The following RNF213 variants were observed in gnomAD, a reference collection of about 807,000 sequenced individuals.
RNF213 encodes ring finger protein 213.
A neutral mutation model predicts 514.4 loss-of-function variants in RNF213; 341 were observed. That is an observed-to-expected ratio of 0.66 (90% confidence interval 0.61 to 0.73). RNF213 has a LOEUF of 0.73. Among genes scored for constraint, RNF213 ranks in the 30% least tolerant of loss-of-function variants. The pLI, the probability that RNF213 is intolerant of heterozygous loss-of-function variation, is 0.00. For synonymous variants in RNF213, 2,655 were observed against 2,658.2 expected (o/e 1.00, Z 0.04); for missense variants, 5,767 against 6,615.6 (o/e 0.87, Z 4.45).
At chr17:80,261,319 A>T (rs2145050437) in intron 1 of RNF213, among the ~76,000 whole-genome samples, 1 of 152,308 alleles carries the variant, frequency 6.6e-6, no homozygotes, top group Non-Finnish European at 1.5e-5. Context: ...GCAACAACGG[A>T]AAAGTGAAGT....
At chr17:80,298,616 C>T (rs1010223362) in intron 11 of RNF213, 98 bp downstream of exon 11, 6 of 1,254,854 alleles carry the variant, frequency 4.8e-6, no homozygotes, top group Non-Finnish European at 6.9e-6. Flanking sequence ...GACTCCATTC[C>T]TGATTCTAAT....
At chr17:80,354,769 C>G (rs1224800134) in intron 36 of RNF213, 193 bp downstream of exon 36, 1 of 649,856 alleles carries the variant, frequency 1.5e-6, no homozygotes, top group Non-Finnish European at 2.7e-6. Context: ...ATGGCAGGTG[C>G]TGGACTCTTC....
At chr17:80,380,793 G>C (rs2144592400) in intron 55 of RNF213, 38 bp from the exon 56 acceptor site, 1 of 1,613,922 alleles carries the variant, frequency 6.2e-7, no homozygotes, top group South Asian at 1.1e-5. Context: ...AAAGCGGCCA[G>C]CCTCAGCCTC....
Position 80,353,157 on chromosome 17 carries a change from C to A in RNF213, c.10423+98C>A. ...CACATGGCACTAGGAGCAGGGCCAC[C>A]GTGTTTCGTCCCTCGGCAGGAGCTC... On this transcript the variant is annotated intron_variant, in intron 33 of 67. Transcript: ENST00000582970. This position sits in a 1 kb window ranked among gnomAD's most constrained non-coding sequence, Gnocchi z 5.0. The A allele has an allele frequency of 6.6e-7, 1 of 1,522,144 alleles. No individual in the cohort carries two copies. The highest frequency in any genetic ancestry group is 9.0e-7 in the Non-Finnish European group (1 of 1,111,188). The allele number at this position is 1,522,144 out of a possible 1,614,324, so 94.3% of individuals were successfully genotyped here.
Position 80,385,150 on chromosome 17 carries a change from T to TTCC in RNF213, c.14437_14439dup (p.Leu4813dup). 6.2e-7 allele frequency: 1 copy of TTCC among 1,614,198 alleles called. No homozygotes were observed. Among genetic ancestry groups the TTCC allele is most frequent in the Non-Finnish European group, 8.5e-7 (1 of 1,180,012 alleles). The stretch of plus-strand genomic sequence containing the variant: ...AGTTGAATACAGCTCCATCAGAGGC[T>TTCC]TCCTCAGCAAGCACAGCTCAGGTGT... On this transcript the variant is annotated inframe_insertion, in exon 60 of 68. Coordinates refer to ENST00000582970, the MANE Select transcript of RNF213 (RefSeq NM_001256071.3).
chr17:80,319,519 T>C, intron 17 of RNF213: 4 of 1,613,358 alleles, frequency 2.5e-6, no homozygotes, highest in Non-Finnish European at 3.4e-6. Flanking sequence ...CAGTCCCTGC[T>C]GCTCGCACCA....
chr17:80,327,891 C>T lies in RNF213; in HGVS notation c.3269C>T (p.Thr1090Met), dbSNP rs572749770. 26 of 1,537,206 alleles carry T rather than the reference C, an allele frequency of 1.7e-5. No homozygotes were observed. Among genetic ancestry groups the T allele is most frequent in the South Asian group, 1.5e-4 (13 of 84,056 alleles). The change falls in exon 19 of 68, where the codon ACG becomes ATG. Residue 1090 changes from threonine (T) to methionine (M), a missense_variant. Physicochemically the swap from Thr to Met is moderately conservative, Grantham distance 81. Coordinates refer to ENST00000582970, the MANE Select transcript of RNF213 (RefSeq NM_001256071.3). ...RLIAVADSVL[T>M]KVVGDLLSGT... Reference sequence around the variant, plus strand: ...ATAGCTGTTGCCGACTCTGTGTTGACGAAAGTTGTTGGTGACCTCCTAAGT... The same window carrying T: ...ATAGCTGTTGCCGACTCTGTGTTGATGAAAGTTGTTGGTGACCTCCTAAGT...
At position 80,396,996 on chromosome 17, in the gene RNF213, T is replaced by TA. The variant is rs546739266; in HGVS notation, c.*3500dup. 3.6e-4 allele frequency: 55 copies of TA among 152,356 alleles called. No individual in the cohort carries two copies. Among genetic ancestry groups the TA allele is most frequent in the African/African-American group, 1.3e-3 (53 of 41,554 alleles). The allele number at this position is 152,356 out of a possible 1,614,324, so 9.4% of individuals were successfully genotyped here. On this transcript the variant is annotated 3_prime_UTR_variant, in exon 68 of 68. Transcript: ENST00000582970. ...CTTCCCCTCACACCTAAACTTACTA[T>TA]AAGGGTCCTACCTTCCCCAGTATTC...
chr17:80,271,343 G>A (rs1051192108), intron 2 of RNF213, among the ~76,000 whole-genome samples: 2 of 152,318 alleles, frequency 1.3e-5, no homozygotes, highest in Non-Finnish European at 2.9e-5. Flanking sequence ...TCTTGGCTAC[G>A]CCAACACTGA....
intron 59 of RNF213, 139 bp from the exon 60 acceptor site, chr17:80,384,900 T>TC (rs2080171428): frequency 1.1e-6 from 1 of 903,702 alleles, no homozygotes; most frequent in South Asian, 1.4e-5. Flanking sequence ...GTTTTCAAGC[T>TC]CCACGCTGCA....
chr17:80,336,255 T>G lies in RNF213; in HGVS notation c.4404T>G (p.Ala1468=). Residue 1468 remains alanine, a synonymous_variant, in exon 23 of 68, where the codon GCT becomes GCG. Transcript: ENST00000582970. The part of the protein sequence containing the change: ...DVDRVACFHD[A]VQGYASLLFK... ...ACCGGGTGGCCTGCTTCCATGACGC[T>G]GTGCAGGGCTACGCATCCCTGCTAT... 6.5e-7 allele frequency: 1 copy of G among 1,537,246 alleles called. No homozygotes were observed. The highest frequency in any genetic ancestry group is 1.2e-5 in the South Asian group (1 of 84,054).
At chr17:80,297,275 C>T (rs2044988907) in intron 10 of RNF213, among the ~76,000 whole-genome samples, 1 of 150,570 alleles carries the variant, frequency 6.6e-6, no homozygotes, top group Admixed American at 6.6e-5. Flanking sequence ...CATGGTGAAA[C>T]ACTGTCTCTA....
chr17:80,361,199 T>G (rs1166404000), intron 38 of RNF213, among the ~76,000 whole-genome samples: 1 of 152,238 alleles, frequency 6.6e-6, no homozygotes, highest in African/African-American at 2.4e-5. Flanking sequence ...GACCTAAATT[T>G]GACACTGTTT....
In RNF213 at chr17:80,319,650, A is replaced by T. The variant is rs186105401; in HGVS notation, c.3024+338A>T. The T allele has an allele frequency of 3.7e-4, 558 of 1,497,142 alleles. 2 individuals carry two copies. The African/African-American group carries it at 7.2e-3, about 19-fold the overall frequency. 92.7% of individuals were successfully genotyped at this position (1,497,142 alleles called of 1,614,324 possible). On this transcript the variant is annotated intron_variant, in intron 17 of 67. Coordinates refer to ENST00000582970, the MANE Select transcript of RNF213 (RefSeq NM_001256071.3). ...TGGCTGCTGGTTTGATTGATTGTTA[A>T]CACTTGCTCAGTAGGTGTGCGGGAA...
intron 49 of RNF213, among the ~76,000 whole-genome samples, chr17:80,373,944 A>C (rs1277990645): frequency 6.9e-6 from 1 of 145,726 alleles, no homozygotes; most frequent in Non-Finnish European, 1.5e-5. Flanking sequence ...CAGAGGTTGC[A>C]GTGAGCCGAG....
At chr17:80,350,625 C>G (rs1280014828) in intron 31 of RNF213, among the ~76,000 whole-genome samples, 1 of 152,172 alleles carries the variant, frequency 6.6e-6, no homozygotes, top group Non-Finnish European at 1.5e-5. Context: ...GGCAACAGAG[C>G]AAGACCTCAT....
At position 80,383,087 on chromosome 17, in the gene RNF213, G is replaced by T; in HGVS notation, c.14070+17G>T. 1 of 1,582,970 alleles carries T rather than the reference G, an allele frequency of 6.3e-7. No homozygotes were observed. The highest frequency in any genetic ancestry group is 1.1e-5 in the South Asian group (1 of 90,498). On this transcript the variant is annotated intron_variant, in intron 58 of 67. Coordinates refer to ENST00000582970, the MANE Select transcript of RNF213 (RefSeq NM_001256071.3). ...GAACTGGAGGTAAGCAGTAAGTGCT[G>T]ACAGCTGGGTTGCTCCTCGGTCCAG...
chr17:80,369,569 A>T lies in RNF213; in HGVS notation c.12223A>T (p.Thr4075Ser). ...CAGTTTCTTCGTAGACCTGGTGTCC[A>T]CCATTTGCTTCAAGGACAACGCTCC... ...CNSFFVDLVS[T>S]ICFKDNAPPE... Residue 4075 changes from threonine (T) to serine (S), a missense_variant, in exon 45 of 68, where the codon ACC becomes TCC. This residue lies in a region of RNF213 where 93 missense variants were observed against 95.6 expected (regional missense o/e 0.97). Transcript: ENST00000582970. The T allele has an allele frequency of 6.2e-7, 1 of 1,614,224 alleles. No homozygotes were observed. The highest frequency in any genetic ancestry group is 8.5e-7 in the Non-Finnish European group (1 of 1,180,032).
At chr17:80,310,465 C>T (rs1439835519) in intron 14 of RNF213, among the ~76,000 whole-genome samples, 1 of 151,784 alleles carries the variant, frequency 6.6e-6, no homozygotes, top group Non-Finnish European at 1.5e-5. Flanking sequence ...GTTGGCCAAG[C>T]TGGTCTCAAA....
Sources: allele counts gnomAD v4.1 joint callset (sites outside exome capture counted in the v4.1 genomes callset), GRCh38; gene constraint gnomAD v4.1.1; regional missense constraint gnomAD v4.1.1; non-coding constraint Gnocchi (gnomAD v3.1); transcripts MANE v1.5; gene names NCBI Gene and HGNC (gene_info 2026-07-23, HGNC 2026-07-21).